The following GNL2 variants were observed in gnomAD, a reference collection of about 807,000 sequenced individuals.
GNL2 encodes G protein nucleolar 2, also known as nucleolar GTP-binding protein 2.
Under a neutral mutation model 92.3 loss-of-function variants are expected in GNL2, and 51 were observed. The observed-to-expected ratio is 0.55, with a 90% CI of 0.44 to 0.70. The LOEUF is 0.70. Among genes scored for constraint, GNL2 ranks in the 30% least tolerant of loss-of-function variants. The probability of loss-of-function intolerance (pLI) is 0.00; values close to 1 mark genes in which losing one functional copy is unlikely to be tolerated. For missense variants in GNL2, 844 were observed against 895.6 expected, an observed-to-expected ratio of 0.94 and a Z score of 0.74; for synonymous variants, 283 against 300.6, an observed-to-expected ratio of 0.94 and a Z score of 0.61.
rs576776250 is a variant in GNL2 at position 37,567,660 on chromosome 1, C to G, written c.2043+13G>C. 9.6e-6 allele frequency: 15 copies of G among 1,566,106 alleles called. No homozygotes were observed. The African/African-American group carries it at 1.8e-4, about 18-fold the overall frequency. On this transcript the variant is annotated intron_variant, in intron 15 of 15. Coordinates refer to ENST00000373062, the MANE Select transcript of GNL2 (RefSeq NM_013285.3). ...ACTCTACTTGGGCCATACTTAAAAC[C>G]TATGACACTTACTTCTTTTGATGTA...
Position 37,591,445 on chromosome 1 carries a change from G to A in GNL2, c.245-600C>T, listed in dbSNP as rs116758313. Among the ~76,000 whole-genome samples the A allele has an allele frequency of 9.4e-3, 1,431 of 151,616 alleles. 12 individuals carry two copies. Among genetic ancestry groups the A allele is most frequent in the South Asian group, 0.028 (133 of 4,772 alleles). ...GGTGGTAATGACGGTAGCAAGTAAT[G>A]CTTATATTATACTCACTATTTGCTA... is the stretch of plus-strand genomic sequence containing the variant. On this transcript the variant is annotated intron_variant, in intron 3 of 15. Coordinates refer to ENST00000373062, the MANE Select transcript of GNL2 (RefSeq NM_013285.3).
chr1:37,576,258 T>C (rs1643675551), intron 9 of GNL2, 170 bp downstream of exon 9: 5 of 596,072 alleles, frequency 8.4e-6, no homozygotes, highest in Middle Eastern at 3.4e-4. Flanking sequence ...CTCAGTCTTA[T>C]CAAAGTGGGC....
intron 7 of GNL2, 139 bp from the exon 8 acceptor site, chr1:37,582,475 G>GT (rs1643785927): frequency 5.0e-6 from 3 of 595,376 alleles, no homozygotes; most frequent in African/African-American, 1.9e-5. Flanking sequence ...TCTTTGAAAT[G>GT]TTTTTTCCAA....
At chr1:37,592,625 ACTC>A (rs1234205848) in intron 3 of GNL2, 84 bp downstream of exon 3, 1 of 731,954 alleles carries the variant, frequency 1.4e-6, no homozygotes, top group Non-Finnish European at 2.4e-6. Context: ...CTCACCAAAA[ACTC>A]CTGCTGTTTA....
At chr1:37,577,859 G>C (rs1417632865) in intron 8 of GNL2, among the ~76,000 whole-genome samples, 1 of 152,148 alleles carries the variant, frequency 6.6e-6, no homozygotes, top group Non-Finnish European at 1.5e-5. Context: ...GTGGCTTTTG[G>C]ATTTTTTGAA....
chr1:37,585,297 G>A (rs1179199146), intron 5 of GNL2, among the ~76,000 whole-genome samples: 1 of 151,896 alleles, frequency 6.6e-6, no homozygotes, highest in East Asian at 2.0e-4. Flanking sequence ...GACCTCAGGT[G>A]ATCCGCCCGC....
At chr1:37,582,423 G>A in intron 7 of GNL2, 87 bp from the exon 8 acceptor site, 2 of 748,630 alleles carry the variant, frequency 2.7e-6, no homozygotes, top group Non-Finnish European at 4.4e-6. Flanking sequence ...TTACAGAACT[G>A]TTTCAAATAT....
chr1:37,594,646 A>G (rs1643910491), intron 1 of GNL2, among the ~76,000 whole-genome samples: 1 of 152,080 alleles, frequency 6.6e-6, no homozygotes, highest in Non-Finnish European at 1.5e-5. Context: ...GGTTCATGCA[A>G]TTCTTCCACC....
Position 37,592,775 on chromosome 1 carries a change from G to T in GNL2, c.181C>A (p.Gln61Lys). ...CCAGAAGCCACCGTTGATTGATATTGCAGGGGTTTAATTATTTTACCACGA... is the reference window on the plus strand; with the variant it reads ...CCAGAAGCCACCGTTGATTGATATTTCAGGGGTTTAATTATTTTACCACGA... ...NSRGKIIKPL[Q>K]YQSTVASGTV... is the part of the protein sequence containing the mutation. The change falls in exon 3 of 16, where the codon CAA becomes AAA. Residue 61 changes from glutamine to lysine, a missense_variant. Coordinates refer to ENST00000373062, the MANE Select transcript of GNL2 (RefSeq NM_013285.3). 2 of 1,606,982 alleles carry T rather than the reference G, an allele frequency of 1.2e-6. No individual in the cohort carries two copies. The highest frequency in any genetic ancestry group is 4.5e-5 in the East Asian group (2 of 44,860).
chr1:37,584,738 G>A (rs1394209433), intron 5 of GNL2, among the ~76,000 whole-genome samples: 1 of 152,042 alleles, frequency 6.6e-6, no homozygotes, highest in Admixed American at 6.6e-5. Flanking sequence ...TAGCTGCAAT[G>A]ATTGCACAAC....
chr1:37,584,399 T>C (rs1643819226), intron 5 of GNL2, among the ~76,000 whole-genome samples: 1 of 147,714 alleles, frequency 6.8e-6, no homozygotes, highest in Admixed American at 7.0e-5. Context: ...CAGTGAGCCA[T>C]GAGCAGGCTA....
In GNL2 at chr1:37,566,915, C is replaced by T. The variant is rs765591785; in HGVS notation, c.2136G>A (p.Lys712=). The change falls in exon 16 of 16, where the codon AAG becomes AAA. Residue 712 remains lysine (K), a synonymous_variant. Coordinates refer to ENST00000373062, the MANE Select transcript of GNL2 (RefSeq NM_013285.3). ...HNVKNRNRNK[K]KTNDSEGQKH... ...TCTGTCCCTCTGAGTCATTGGTCTT[C>T]TTTTTGTTCCTGTTCCTATTTTTCA... 6.2e-7 allele frequency: 1 copy of T among 1,614,082 alleles called. No individual in the cohort carries two copies. Among genetic ancestry groups the T allele is most frequent in the East Asian group, 2.2e-5 (1 of 44,884 alleles).
In GNL2 at chr1:37,583,976, A is replaced by G. The variant is rs1267977691; in HGVS notation, c.570-43T>C. ...CCAAATGAGCAACTGAAGCACCATC[A>G]AGACTAAAAGGATGCTTTAGGGTAA... On this transcript the variant is annotated intron_variant, in intron 5 of 15. Coordinates refer to ENST00000373062, the MANE Select transcript of GNL2 (RefSeq NM_013285.3). The G allele has an allele frequency of 2.8e-6, 3 of 1,075,422 alleles. No homozygotes were observed. The African/African-American group carries it at 4.5e-5, about 16-fold the overall frequency. The allele number at this position is 1,075,422 out of a possible 1,614,324, so 66.6% of individuals were successfully genotyped here.
intron 12 of GNL2, among the ~76,000 whole-genome samples, chr1:37,572,080 T>A (rs948746177): frequency 6.6e-6 from 1 of 152,136 alleles, no homozygotes; most frequent in Non-Finnish European, 1.5e-5. Context: ...CTGTCTCATA[T>A]TAAGGGCTCT....
At position 37,569,099 on chromosome 1, in the gene GNL2, A is replaced by G. The variant is rs1434469075; in HGVS notation, c.1620T>C (p.Pro540=). The part of the protein sequence containing the change: ...RQNFGKINVV[P]QFSGDDLVPV... ...GAACCAGGTCATCCCCAGAAAACTG[A>G]GGCACCACGTTGATTTTACCAAAGT... The change falls in exon 13 of 16, where the codon CCT becomes CCC. Residue 540 remains proline (P), a synonymous_variant. Transcript: ENST00000373062. 2 of 1,614,162 alleles carry G rather than the reference A, an allele frequency of 1.2e-6. No homozygotes were observed. Among genetic ancestry groups the G allele is most frequent in the South Asian group, 1.1e-5 (1 of 91,078 alleles).
chr1:37,581,491 G>A (rs746842868), intron 8 of GNL2: 1 of 456,094 alleles, frequency 2.2e-6, no homozygotes, highest in Non-Finnish European at 4.4e-6. Context: ...CATGGGCAGA[G>A]GATGCACAGC....
chr1:37,576,223 G>C (rs904213470), intron 9 of GNL2: 2 of 510,946 alleles, frequency 3.9e-6, no homozygotes, highest in Admixed American at 7.4e-5. Context: ...ACAGGCCAAA[G>C]CCACACGGGG....
At chr1:37,579,079 G>A (rs539542702) in intron 8 of GNL2, among the ~76,000 whole-genome samples, 27 of 152,206 alleles carry the variant, frequency 1.8e-4, no homozygotes, top group African/African-American at 6.5e-4. Flanking sequence ...AAAATTTGGA[G>A]GTAACAGAAT....
At chr1:37,584,571 T>C (rs1570066274) in intron 5 of GNL2, among the ~76,000 whole-genome samples, 1 of 151,990 alleles carries the variant, frequency 6.6e-6, no homozygotes, top group Admixed American at 6.6e-5. Flanking sequence ...ACAAATACTG[T>C]ATGATTCCAC....
Sources: gnomAD v4.1 joint callset for allele counts (sites outside exome capture counted in the v4.1 genomes callset) on GRCh38, gnomAD v4.1.1 for gene constraint, MANE v1.5 for transcripts, NCBI Gene and HGNC (gene_info 2026-07-23, HGNC 2026-07-21) for gene names.